The following TRDN variants were observed in gnomAD, a reference collection of about 807,000 sequenced individuals.
The protein encoded by TRDN is triadin in skeletal muscle.
Under a neutral mutation model 149.7 loss-of-function variants are expected in TRDN, and 161 were observed. That is an observed-to-expected ratio of 1.08 (90% CI 0.95 to 1.23). The LOEUF (loss-of-function observed/expected upper bound fraction) is 1.23. TRDN is among the 50% of genes most tolerant of loss of function. The pLI is 0.00. For missense variants in TRDN, 896 were observed against 823.5 expected, an observed-to-expected ratio of 1.09 and a Z score of -1.08; for synonymous variants, 294 against 250.5, an observed-to-expected ratio of 1.17 and a Z score of -1.64.
rs569636444 is a variant in TRDN at position 123,636,892 on chromosome 6, C to A, written c.-117G>T. The A allele has an allele frequency of 5.9e-6, 7 of 1,194,396 alleles. No homozygotes were observed. The African/African-American group carries it at 9.1e-5, about 16-fold the overall frequency. The allele number at this position is 1,194,396 out of a possible 1,614,324, so 74.0% of individuals were successfully genotyped here. Reference sequence around the variant, plus strand: ...TCTGTGTCAAAACCTGGGGGCTCTTCGTTTTCCTGGCTGTTTCTGCTGCTT... The same window carrying A: ...TCTGTGTCAAAACCTGGGGGCTCTTAGTTTTCCTGGCTGTTTCTGCTGCTT... On this transcript the variant is annotated 5_prime_UTR_variant, in exon 1 of 41. Coordinates refer to ENST00000334268, the MANE Select transcript of TRDN (RefSeq NM_006073.4).
intron 24 of TRDN, among the ~76,000 whole-genome samples, chr6:123,303,641 A>G (rs1419299630): frequency 6.6e-6 from 1 of 152,162 alleles, no homozygotes; most frequent in Non-Finnish European, 1.5e-5. Flanking sequence ...AGACATTGAG[A>G]AGAGAAAAAT....
chr6:123,285,802 A>AAT (rs1330776044), intron 24 of TRDN, among the ~76,000 whole-genome samples: 1 of 152,116 alleles, frequency 6.6e-6, no homozygotes, highest in African/African-American at 2.4e-5. Flanking sequence ...ACAAAGAAAT[A>AAT]ATATCCAGAA....
chr6:123,478,213 T>C (rs1023482800), intron 9 of TRDN, among the ~76,000 whole-genome samples: 1 of 152,186 alleles, frequency 6.6e-6, no homozygotes, highest in African/African-American at 2.4e-5. Flanking sequence ...CTCATAACCA[T>C]TGACAAATCT....
rs1786337782 is a variant in TRDN at position 123,636,696 on chromosome 6, C to T, written c.22+58G>A. ...ATGGACACATCGACAGTTAATGTGG[C>T]TGTCGATTTGCATATTTTTTTTCCT... is the stretch of plus-strand genomic sequence containing the variant. On this transcript the variant is annotated intron_variant, in intron 1 of 40. Transcript: ENST00000334268. The T allele has an allele frequency of 1.9e-6, 3 of 1,591,804 alleles. No individual in the cohort carries two copies. In the East Asian group the frequency reaches 6.7e-5, roughly 36 times the overall value.
intron 24 of TRDN, among the ~76,000 whole-genome samples, chr6:123,280,677 C>CAT: frequency 7.8e-6 from 1 of 128,504 alleles, no homozygotes; most frequent in East Asian, 2.2e-4. Flanking sequence ...TGGCTAACCT[C>CAT]TGCTTAAGGC....
At chr6:123,269,258 G>A (rs1777122177) in intron 31 of TRDN, among the ~76,000 whole-genome samples, 2 of 151,858 alleles carry the variant, frequency 1.3e-5, no homozygotes, top group African/African-American at 2.4e-5. Context: ...GTGAAATGAA[G>A]GATCTTCAAA....
At chr6:123,326,985 T>C (rs1337185485) in intron 23 of TRDN, among the ~76,000 whole-genome samples, 3 of 152,124 alleles carry the variant, frequency 2.0e-5, no homozygotes, top group Non-Finnish European at 2.9e-5. Flanking sequence ...AATTCTACTG[T>C]AACCAAAAGC....
At chr6:123,513,198 G>A (rs557671725) in intron 6 of TRDN, among the ~76,000 whole-genome samples, 3 of 152,186 alleles carry the variant, frequency 2.0e-5, no homozygotes, top group East Asian at 3.9e-4. Flanking sequence ...TACCACTTGG[G>A]ATTATGGGTA....
chr6:123,330,585 A>G (rs1009612385), intron 23 of TRDN, among the ~76,000 whole-genome samples: 1 of 152,140 alleles, frequency 6.6e-6, no homozygotes, highest in African/African-American at 2.4e-5. Flanking sequence ...ATAATAACAC[A>G]TTTCTAAAAG....
chr6:123,429,884 C>T (rs1340723851), intron 12 of TRDN, among the ~76,000 whole-genome samples: 2 of 152,058 alleles, frequency 1.3e-5, no homozygotes, highest in African/African-American at 4.8e-5. Context: ...TATATCAATG[C>T]GTACAGAGAA....
At chr6:123,582,066 A>G (rs1457082004) in intron 1 of TRDN, among the ~76,000 whole-genome samples, 1 of 152,198 alleles carries the variant, frequency 6.6e-6, no homozygotes, top group Non-Finnish European at 1.5e-5. Context: ...TGAATGGGTT[A>G]CAGCTTGATT....
At chr6:123,271,282 A>G in intron 29 of TRDN, 96 bp from the exon 30 acceptor site, 1 of 804,806 alleles carries the variant, frequency 1.2e-6, no homozygotes, top group South Asian at 2.2e-5. Flanking sequence ...AATAGTGCCA[A>G]TGCCAAGAAA....
At chr6:123,592,834 G>A (rs545764025) in intron 1 of TRDN, among the ~76,000 whole-genome samples, 1 of 152,216 alleles carries the variant, frequency 6.6e-6, no homozygotes, top group African/African-American at 2.4e-5. Context: ...TGCTCTGCAA[G>A]ATATCTGCCA....
chr6:123,432,446 G>T (rs1774372532), intron 12 of TRDN, among the ~76,000 whole-genome samples: 1 of 144,724 alleles, frequency 6.9e-6, no homozygotes, highest in Admixed American at 6.9e-5. Context: ...AAAAAAAAAA[G>T]AGTAGTTTTC....
chr6:123,492,191 G>A (rs773774983), intron 9 of TRDN, among the ~76,000 whole-genome samples: 1 of 152,040 alleles, frequency 6.6e-6, no homozygotes, highest in African/African-American at 2.4e-5. Context: ...ACAAAAAGCA[G>A]AATAAATTAC....
chr6:123,503,377 G>C, intron 8 of TRDN: 4 of 985,246 alleles, frequency 4.1e-6, no homozygotes, highest in South Asian at 9.4e-5. Flanking sequence ...CCTCCAAAGA[G>C]TATGACACAT....
intron 12 of TRDN, among the ~76,000 whole-genome samples, chr6:123,407,856 A>T (rs1032785052): frequency 3.9e-5 from 6 of 152,204 alleles, no homozygotes; most frequent in African/African-American, 1.4e-4. Flanking sequence ...AAATTATAGC[A>T]AAACATGAAA....
In TRDN at chr6:123,305,084, G is replaced by T. The variant is rs564762150; in HGVS notation, c.1510+11373C>A. On this transcript the variant is annotated intron_variant, in intron 24 of 40. Transcript: ENST00000334268. ...TCTCTCTTTACAGCAAAATACAATT[G>T]AAAACATTGCTTATACTACCAAGGT... is the stretch of plus-strand genomic sequence containing the variant. Among the ~76,000 whole-genome samples the T allele has an allele frequency of 2.0e-5, 3 of 152,164 alleles. No individual in the cohort carries two copies. The East Asian group carries it at 5.8e-4, about 29-fold the overall frequency.
intron 9 of TRDN, among the ~76,000 whole-genome samples, chr6:123,488,347 T>C (rs1286790151): frequency 6.6e-6 from 1 of 152,174 alleles, no homozygotes; most frequent in Non-Finnish European, 1.5e-5. Flanking sequence ...AATCTTCACA[T>C]ACTTCCCTTT....
Sources: gnomAD v4.1 joint callset for allele counts (sites outside exome capture counted in the v4.1 genomes callset) on GRCh38, gnomAD v4.1.1 for gene constraint, MANE v1.5 for transcripts, NCBI Gene and HGNC (gene_info 2026-07-23, HGNC 2026-07-21) for gene names.